The following GALNT9 variants were observed in gnomAD, a reference collection of about 807,000 sequenced individuals.
GALNT9 encodes the protein GalNAc transferase 9.
In GALNT9, 47 loss-of-function variants were observed where a neutral mutation model predicts 63.1. The observed-to-expected ratio is 0.75, with a 90% confidence interval of 0.59 to 0.95. GALNT9 has a LOEUF of 0.95. Ranked by LOEUF, GALNT9 falls within the 40% of genes least tolerant of loss-of-function variation. GALNT9 has a pLI of 0.00. For synonymous variants in GALNT9, 396 were observed against 365.7 expected (o/e 1.08, Z -0.94); for missense variants, 829 against 874.8 (o/e 0.95, Z 0.66).
intron 6 of GALNT9, 135 bp downstream of exon 6, chr12:132,247,749 GCCGTGGCCGCACTCGCCCTCACCCCA>G: frequency 7.0e-6 from 8 of 1,149,288 alleles, no homozygotes; most frequent in Non-Finnish European, 9.6e-6. Context: ...GTCCCCAGAT[GCCGTGGCCGCACTCGCCCTCACCCCA>G]TCCCCGGACG....
At chr12:132,206,758 C>T (rs58458586) in intron 6 of GALNT9, among the ~76,000 whole-genome samples, 7,047 of 152,176 alleles carry the variant, frequency 0.046, 207 homozygotes, top group Middle Eastern at 0.099. Flanking sequence ...GAGGAGGAGC[C>T]GAGCCCCCAC....
chr12:132,206,688 C>A (rs1048338587), intron 6 of GALNT9, among the ~76,000 whole-genome samples: 2 of 150,984 alleles, frequency 1.3e-5, no homozygotes, highest in African/African-American at 4.9e-5. Flanking sequence ...CAGAGAGGAG[C>A]CAGTGCTGGT....
chr12:132,268,213 A>G (rs2135549306), intron 2 of GALNT9, among the ~76,000 whole-genome samples: 1 of 151,966 alleles, frequency 6.6e-6, no homozygotes, highest in African/African-American at 2.4e-5. Flanking sequence ...ACACCCATAC[A>G]CACATTCACA....
At chr12:132,277,446 G>A (rs116701242) in intron 2 of GALNT9, 2,199 of 155,066 alleles carry the variant, frequency 0.014, 53 homozygotes, top group African/African-American at 0.049. Flanking sequence ...TTCGTGCAGC[G>A]ACCAGACCGT....
chr12:132,289,087 G>A (rs1267032802), intron 1 of GALNT9, among the ~76,000 whole-genome samples: 1 of 152,140 alleles, frequency 6.6e-6, no homozygotes, highest in African/African-American at 2.4e-5. Context: ...ATATCTTGCC[G>A]TGAATCACAG....
chr12:132,260,404 G>C (rs1278765769), intron 4 of GALNT9, among the ~76,000 whole-genome samples: 1 of 152,224 alleles, frequency 6.6e-6, no homozygotes, highest in Non-Finnish European at 1.5e-5. Flanking sequence ...CTTTGTGCTG[G>C]TGGCCCCAGG....
chr12:132,278,601 C>T (rs1156689289), intron 2 of GALNT9: 1 of 152,256 alleles, frequency 6.6e-6, no homozygotes, highest in Non-Finnish European at 1.5e-5. Flanking sequence ...TGGGGCCCGC[C>T]GTCTGGTTGT....
chr12:132,261,336 A>T (rs1555239767), intron 3 of GALNT9, among the ~76,000 whole-genome samples: 2 of 152,204 alleles, frequency 1.3e-5, no homozygotes, highest in African/African-American at 2.4e-5. Flanking sequence ...AGACACAGCA[A>T]ATAAGGAAAC....
chr12:132,228,225 C>T (rs947066690), intron 6 of GALNT9, among the ~76,000 whole-genome samples: 2 of 152,064 alleles, frequency 1.3e-5, no homozygotes, highest in Admixed American at 1.3e-4. Context: ...AAAGGAGACA[C>T]CCCCGCGTCC....
rs560169007 is a variant in GALNT9 at position 132,217,824 on chromosome 12, A to G, written c.1078-14134T>C. ...CATCCGTCCATTCACCCATCCATCC[A>G]CCCACTCATCCATCCATTCCTTTAT... On this transcript the variant is annotated intron_variant, in intron 6 of 10. Coordinates refer to ENST00000328957, the MANE Select transcript of GALNT9 (RefSeq NM_001122636.2). Among the ~76,000 whole-genome samples, 62 of 150,148 alleles carry G rather than the reference A, an allele frequency of 4.1e-4. 2 individuals carry two copies. The East Asian group carries it at 0.011, about 27-fold the overall frequency.
At chr12:132,292,731 C>A (rs1315458166) in intron 1 of GALNT9, among the ~76,000 whole-genome samples, 2 of 152,186 alleles carry the variant, frequency 1.3e-5, no homozygotes, top group Non-Finnish European at 2.9e-5. Context: ...GGAGGCACTG[C>A]TTGCTCTGAG....
intron 6 of GALNT9, among the ~76,000 whole-genome samples, chr12:132,222,531 A>G (rs931389440): frequency 2.1e-4 from 32 of 152,050 alleles, no homozygotes; most frequent in Admixed American, 5.2e-4. Context: ...TTCTGCCCCC[A>G]GGGCTAAGAG....
rs1878672401 is a variant in GALNT9 at position 132,245,456 on chromosome 12, C to T, written c.1077+2454G>A. 1.3e-5 allele frequency among the ~76,000 whole-genome samples: 2 copies of T among 152,066 alleles called. No individual in the cohort carries two copies. The highest frequency in any genetic ancestry group is 6.5e-5 in the Admixed American group (1 of 15,276). ...GACTCTGTCTTAAAAAAAAGAAAGG[C>T]CCATGTGTCATGGAGACGGGAGGGA... On this transcript the variant is annotated intron_variant, in intron 6 of 10. Coordinates refer to ENST00000328957, the MANE Select transcript of GALNT9 (RefSeq NM_001122636.2). This position sits in a 1 kb window ranked among gnomAD's most constrained non-coding sequence, Gnocchi z 6.3.
intron 1 of GALNT9, among the ~76,000 whole-genome samples, chr12:132,328,337 C>T (rs147733589): frequency 6.6e-6 from 1 of 152,154 alleles, no homozygotes; most frequent in Non-Finnish European, 1.5e-5. Context: ...ATGAGTCCTG[C>T]CAAGCCCTGC....
At chr12:132,259,965 G>A (rs1879303460) in intron 4 of GALNT9, among the ~76,000 whole-genome samples, 1 of 151,584 alleles carries the variant, frequency 6.6e-6, no homozygotes, top group Non-Finnish European at 1.5e-5. Flanking sequence ...GGAACACCCT[G>A]TGCATTGTGG....
chr12:132,216,849 CT>C (rs1436311674), intron 6 of GALNT9, among the ~76,000 whole-genome samples: 1 of 152,240 alleles, frequency 6.6e-6, no homozygotes, highest in Non-Finnish European at 1.5e-5. Context: ...GCTTTTCGCC[CT>C]TGTGGGCAGT....
chr12:132,250,392 G>A (rs1163137762), intron 5 of GALNT9, among the ~76,000 whole-genome samples: 5 of 152,242 alleles, frequency 3.3e-5, no homozygotes, highest in East Asian at 1.9e-4. Context: ...TGTGATGGTC[G>A]AAACACCGCA....
At chr12:132,274,784 G>A (rs1255409828) in intron 2 of GALNT9, 1 of 152,332 alleles carries the variant, frequency 6.6e-6, no homozygotes, top group Non-Finnish European at 1.5e-5. Flanking sequence ...CACATAAGCA[G>A]ACACCACACA....
intron 1 of GALNT9, among the ~76,000 whole-genome samples, chr12:132,299,995 G>A (rs1555243689): frequency 7.9e-6 from 1 of 126,374 alleles, no homozygotes; most frequent in Non-Finnish European, 1.6e-5. Flanking sequence ...CCCCTCAGAT[G>A]ACCAACCCAC....
Sources: allele counts gnomAD v4.1 joint callset (sites outside exome capture counted in the v4.1 genomes callset), GRCh38; gene constraint gnomAD v4.1.1; non-coding constraint Gnocchi (gnomAD v3.1); transcripts MANE v1.5; gene names NCBI Gene and HGNC (gene_info 2026-07-23, HGNC 2026-07-21).